TXNDC9: variants seen among roughly 807,000 people sequenced by gnomAD.
The protein encoded by TXNDC9 is thioredoxin domain-containing protein 9.
TXNDC9 carries 7 observed loss-of-function variants against 23.0 expected under a neutral mutation model. The ratio of observed to expected loss-of-function variants is 0.30; its 90% CI spans 0.17 to 0.57. TXNDC9 has a LOEUF of 0.57. Ranked by LOEUF, TXNDC9 falls within the 20% of genes least tolerant of loss-of-function variation. TXNDC9 has a pLI of 0.90. For missense variants in TXNDC9, 198 were observed against 252.6 expected (o/e 0.78, Z 1.47); for synonymous variants, 72 against 90.6 (o/e 0.79, Z 1.17).
the TXNDC9 span, among the ~76,000 whole-genome samples, chr2:99,313,472 T>C: frequency 1.3e-5 from 2 of 152,188 alleles, no homozygotes; most frequent in African/African-American, 2.4e-5. Flanking sequence ...AATAAATGCC[T>C]GTAATCAAGA....
At chr2:99,325,585 A>G (rs72815063) in intron 3 of TXNDC9, among the ~76,000 whole-genome samples, 1 of 152,352 alleles carries the variant, frequency 6.6e-6, no homozygotes, top group Non-Finnish European at 1.5e-5. Context: ...TACACCATCA[A>G]ATGTATTTAT....
chr2:99,336,175 C>T, intron 1 of TXNDC9, 64 bp downstream of exon 1: 1 of 981,840 alleles, frequency 1.0e-6, no homozygotes, highest in Non-Finnish European at 1.2e-6. Context: ...GGATGTGGAG[C>T]AGCAGAATGT....
intron 1 of TXNDC9, among the ~76,000 whole-genome samples, chr2:99,333,476 G>GT (rs1301758822): frequency 4.6e-5 from 7 of 152,122 alleles, no homozygotes; most frequent in African/African-American, 1.7e-4. Context: ...GGGTGCTTCT[G>GT]ATTTAGCATA....
At chr2:99,327,464 A>G in intron 3 of TXNDC9, 71 bp downstream of exon 3, 3 of 1,054,112 alleles carry the variant, frequency 2.8e-6, no homozygotes, top group Non-Finnish European at 4.3e-6. Context: ...TTCTCTAGTA[A>G]GCCAGTATAT....
chr2:99,310,903 C>T, the TXNDC9 span, among the ~76,000 whole-genome samples: 3 of 152,218 alleles, frequency 2.0e-5, no homozygotes, highest in African/African-American at 4.8e-5. Context: ...TCTTGGCCAT[C>T]GTTTGCCAAA....
At chr2:99,322,758 T>C in intron 3 of TXNDC9, 1 of 1,342,614 alleles carries the variant, frequency 7.4e-7, no homozygotes, top group Non-Finnish European at 9.6e-7. Context: ...CAGTAGTAAC[T>C]TTTTTATTTT....
chr2:99,307,021 T>C, the TXNDC9 span, among the ~76,000 whole-genome samples: 20,794 of 94,074 alleles, frequency 0.22, 760 homozygotes, highest in East Asian at 0.32. Context: ...CTCCCTTCCT[T>C]CCTTCCTTCT....
At chr2:99,312,866 A>C in the TXNDC9 span, among the ~76,000 whole-genome samples, 1 of 152,192 alleles carries the variant, frequency 6.6e-6, no homozygotes, top group Non-Finnish European at 1.5e-5. Context: ...ATTAATGGTA[A>C]AAACTGCCAA....
intron 2 of TXNDC9, among the ~76,000 whole-genome samples, chr2:99,329,379 T>C (rs2094219910): frequency 6.6e-6 from 1 of 152,228 alleles, no homozygotes; most frequent in African/African-American, 2.4e-5. Context: ...AATTCACCAA[T>C]GTCTTCTTAA....
chr2:99,322,772 T>C (rs2094205423), intron 3 of TXNDC9: 1 of 1,330,308 alleles, frequency 7.5e-7, no homozygotes, highest in South Asian at 2.0e-5. Context: ...TTATTTTTTA[T>C]TTTTTTGGAG....
chr2:99,324,768 AGAGT>A, intron 3 of TXNDC9, among the ~76,000 whole-genome samples: 1 of 151,938 alleles, frequency 6.6e-6, no homozygotes, highest in East Asian at 1.9e-4. Context: ...AGAGCAAGAC[AGAGT>A]GTCTTGCTCT....
downstream of TXNDC9, among the ~76,000 whole-genome samples, chr2:99,317,319 T>C (rs968810271): frequency 6.6e-6 from 1 of 152,190 alleles, no homozygotes; most frequent in Admixed American, 6.5e-5. Context: ...AGACACTGTG[T>C]CACAGCAGCT....
chr2:99,330,971 A>G (rs912901457), intron 2 of TXNDC9, among the ~76,000 whole-genome samples: 3 of 152,252 alleles, frequency 2.0e-5, no homozygotes, highest in African/African-American at 7.2e-5. Flanking sequence ...TGATTTATAC[A>G]TTAATAATAA....
the TXNDC9 span, among the ~76,000 whole-genome samples, chr2:99,308,729 T>C: frequency 1.3e-5 from 2 of 152,048 alleles, no homozygotes; most frequent in African/African-American, 4.8e-5. Flanking sequence ...TTTTTTTTTT[T>C]GAGATGGAGT....
intron 3 of TXNDC9, chr2:99,322,628 A>C: frequency 6.5e-7 from 1 of 1,546,072 alleles, no homozygotes; most frequent in African/African-American, 1.4e-5. Flanking sequence ...AGCATTACCG[A>C]GGAAAAACTT....
chr2:99,334,075 G>A (rs914215584), intron 1 of TXNDC9, among the ~76,000 whole-genome samples: 2 of 152,222 alleles, frequency 1.3e-5, no homozygotes, highest in Admixed American at 6.5e-5. Flanking sequence ...TCTAGGCTGG[G>A]TGCTATGGCT....
At chr2:99,325,782 G>C (rs2094211691) in intron 3 of TXNDC9, among the ~76,000 whole-genome samples, 1 of 152,124 alleles carries the variant, frequency 6.6e-6, no homozygotes. Context: ...AGGCCAAGGT[G>C]GGTGGTTCAC....
At chr2:99,334,868 C>G (rs1287249915) in intron 1 of TXNDC9, among the ~76,000 whole-genome samples, 1 of 152,178 alleles carries the variant, frequency 6.6e-6, no homozygotes, top group African/African-American at 2.4e-5. Context: ...CCCGCCACCA[C>G]GCCCGGCTAA....
downstream of TXNDC9, among the ~76,000 whole-genome samples, chr2:99,315,267 G>A (rs1322651639): frequency 1.2e-4 from 18 of 151,568 alleles, no homozygotes; most frequent in East Asian, 3.9e-4. Flanking sequence ...GGGTTTCACC[G>A]TGTTAGCCAG....
Sources: allele counts gnomAD v4.1 joint callset (sites outside exome capture counted in the v4.1 genomes callset), GRCh38; gene constraint gnomAD v4.1.1; transcripts MANE v1.5; gene names NCBI Gene and HGNC (gene_info 2026-07-23, HGNC 2026-07-21).